Variants in TLE1 observed in about 807,000 individuals in gnomAD.
TLE1 encodes the protein transducin-like enhancer protein 1.
In TLE1, 21 loss-of-function variants were observed where a neutral mutation model predicts 89.8. The observed-to-expected ratio is 0.23, with a 90% CI of 0.17 to 0.34. The LOEUF is 0.34. TLE1 is among the 10% of genes least tolerant of loss of function. The pLI is 1.00. For missense variants in TLE1, 795 were observed against 1,031.2 expected, an observed-to-expected ratio of 0.77 and a Z score of 3.14; for synonymous variants, 447 against 407.6, an observed-to-expected ratio of 1.10 and a Z score of -1.16.
intron 11 of TLE1, among the ~76,000 whole-genome samples, chr9:81,615,573 C>T (rs1478953405): frequency 6.8e-6 from 1 of 148,040 alleles, no homozygotes; most frequent in African/African-American, 2.5e-5. Context: ...ATTAGCTGGG[C>T]ATGGTCGCGC....
chr9:81,584,591 G>C (rs1828068745), intron 18 of TLE1, 67 bp from the exon 19 acceptor site: 1 of 1,456,688 alleles, frequency 6.9e-7, no homozygotes, highest in African/African-American at 1.4e-5. Context: ...TTAGCAACTT[G>C]GACTTAATCA....
chr9:81,630,679 A>G (rs951918486), intron 8 of TLE1, among the ~76,000 whole-genome samples: 1 of 152,228 alleles, frequency 6.6e-6, no homozygotes, highest in Admixed American at 6.5e-5. Flanking sequence ...CTGGATTAAA[A>G]AACAGCAGCA....
chr9:81,588,228 C>T (rs1430174167), intron 16 of TLE1, among the ~76,000 whole-genome samples: 1 of 152,162 alleles, frequency 6.6e-6, no homozygotes, highest in East Asian at 1.9e-4. Context: ...AGATAAAGGT[C>T]TGTTCTTTAA....
intron 8 of TLE1, among the ~76,000 whole-genome samples, chr9:81,633,026 A>G (rs769643581): frequency 6.6e-6 from 1 of 152,182 alleles, no homozygotes; most frequent in Non-Finnish European, 1.5e-5. Context: ...AACCATTAAC[A>G]CTTTTAAAGT....
intron 14 of TLE1, among the ~76,000 whole-genome samples, chr9:81,608,367 G>C (rs146070461): frequency 5.5e-4 from 84 of 152,090 alleles, no homozygotes; most frequent in Non-Finnish European, 8.8e-4. Flanking sequence ...TTTAAAAATT[G>C]GCCAGGTATG....
At chr9:81,628,788 GCCT>G (rs113692869) in intron 8 of TLE1, among the ~76,000 whole-genome samples, 2 of 152,258 alleles carry the variant, frequency 1.3e-5, no homozygotes, top group African/African-American at 4.8e-5. Flanking sequence ...GATGCACCCA[GCCT>G]CCTTGATAAA....
At chr9:81,687,925 A>T (rs1411713169) in intron 1 of TLE1, among the ~76,000 whole-genome samples, 1 of 151,942 alleles carries the variant, frequency 6.6e-6, no homozygotes, top group Admixed American at 6.5e-5. Flanking sequence ...CCCTGCCCCC[A>T]CTCGGGGAAG....
In TLE1 at chr9:81,681,346, T is replaced by C. The variant is rs558196229; in HGVS notation, c.234+4330A>G. On this transcript the variant is annotated intron_variant, in intron 4 of 19. Coordinates refer to ENST00000376499, the MANE Select transcript of TLE1 (RefSeq NM_005077.5). ...GGGGGGAATCACTTGAGGTCAGGAG[T>C]TCGAGACCAGCCTAGCCAATATAGT... is the stretch of plus-strand genomic sequence containing the variant. 1.9e-4 allele frequency among the ~76,000 whole-genome samples: 29 copies of C among 151,902 alleles called. No homozygotes were observed. The East Asian group carries it at 5.6e-3, about 29-fold the overall frequency.
At chr9:81,637,806 T>TAG (rs1481849072) in intron 6 of TLE1, among the ~76,000 whole-genome samples, 1 of 152,102 alleles carries the variant, frequency 6.6e-6, no homozygotes, top group Non-Finnish European at 1.5e-5. Flanking sequence ...TCCTAGATAA[T>TAG]ATCTAAGTGT....
chr9:81,685,964 T>C, intron 2 of TLE1, 68 bp from the exon 3 acceptor site: 1 of 1,557,332 alleles, frequency 6.4e-7, no homozygotes, highest in Non-Finnish European at 8.8e-7. Flanking sequence ...GCCTCACATA[T>C]TTGCACTTCA....
rs756549334 is a variant in TLE1, at chr9:81,688,219, G to A, written c.22C>T (p.Pro8Ser). 6.3e-7 allele frequency: 1 copy of A among 1,597,476 alleles called. No individual in the cohort carries two copies. Among genetic ancestry groups the A allele is most frequent in the Non-Finnish European group, 8.5e-7 (1 of 1,172,090 alleles). ...ACCACCACCCAGCCGCGCCTCACCG[G>A]GTGCCGGCTCTGCGGGAACATCGCT... MFPQSRHPTPHQAAGQPF... is the reference protein window; with the variant it reads MFPQSRHSTPHQAAGQPF... The change falls in exon 1 of 20, where the codon CCG becomes TCG. Residue 8 changes from proline to serine, a missense_variant and splice_region_variant. Pro to Ser is a moderately conservative substitution (Grantham distance 74). Transcript: ENST00000376499.
intron 4 of TLE1, among the ~76,000 whole-genome samples, chr9:81,661,919 G>A (rs1300085770): frequency 1.3e-5 from 2 of 152,286 alleles, no homozygotes; most frequent in Admixed American, 6.5e-5. Flanking sequence ...ACAATCATAC[G>A]TTACTGATGA....
intron 6 of TLE1, among the ~76,000 whole-genome samples, chr9:81,647,921 T>G (rs141490340): frequency 6.6e-6 from 1 of 152,198 alleles, no homozygotes; most frequent in African/African-American, 2.4e-5. Context: ...TGTTTACTAT[T>G]AATATTTTTA....
chr9:81,681,100 AAACTGTAAAAGCAGTTT>A (rs1405660539), intron 4 of TLE1, among the ~76,000 whole-genome samples: 1 of 152,180 alleles, frequency 6.6e-6, no homozygotes, highest in Non-Finnish European at 1.5e-5. Context: ...GCACACATCA[AAACTGTAAAAGCAGTTT>A]CACTCCAAAA....
chr9:81,643,900 C>T (rs1337062395), intron 6 of TLE1, among the ~76,000 whole-genome samples: 2 of 152,132 alleles, frequency 1.3e-5, no homozygotes, highest in Non-Finnish European at 2.9e-5. Flanking sequence ...TGACCACTGC[C>T]TTGCTCATCC....
intron 7 of TLE1, 54 bp from the exon 8 acceptor site, chr9:81,633,418 C>A: frequency 1.2e-6 from 2 of 1,612,214 alleles, no homozygotes; most frequent in Admixed American, 3.3e-5. Context: ...GACACAGAGG[C>A]AAGAACAGAA....
chr9:81,626,408 C>T lies in TLE1; in HGVS notation c.595-5851G>A, dbSNP rs374938679. Reference sequence around the variant, plus strand: ...TGGTGTCAATCAAGCCATCACCCTGCGCTGCACTTTTTGCTACGGTCCAAC... The same window carrying T: ...TGGTGTCAATCAAGCCATCACCCTGTGCTGCACTTTTTGCTACGGTCCAAC... On this transcript the variant is annotated intron_variant, in intron 8 of 19. Coordinates refer to ENST00000376499, the MANE Select transcript of TLE1 (RefSeq NM_005077.5). Among the ~76,000 whole-genome samples, 7 of 152,290 alleles carry T rather than the reference C, an allele frequency of 4.6e-5. No individual in the cohort carries two copies. In the East Asian group the frequency reaches 1.4e-3, roughly 29 times the overall value.
In TLE1 at chr9:81,616,140, C is replaced by G; in HGVS notation, c.766-6G>C. The G allele has an allele frequency of 6.3e-7, 1 of 1,593,072 alleles. No individual in the cohort carries two copies. The highest frequency in any genetic ancestry group is 8.5e-7 in the Non-Finnish European group (1 of 1,173,730). On this transcript the variant is annotated splice_polypyrimidine_tract_variant and splice_region_variant and intron_variant, in intron 10 of 19. Transcript: ENST00000376499. ...GCTCGCGGAGAAGAAGGGTCCTCAA[C>G]AAGCATAATCAAAAGTTTTCGTGAT...
At chr9:81,593,965 A>C (rs1050322461) in intron 14 of TLE1, among the ~76,000 whole-genome samples, 1 of 152,200 alleles carries the variant, frequency 6.6e-6, no homozygotes, top group African/African-American at 2.4e-5. Flanking sequence ...CCTTTAGCCC[A>C]GCCTGCCTAT....
Sources: gnomAD v4.1 joint callset for allele counts (sites outside exome capture counted in the v4.1 genomes callset) on GRCh38, gnomAD v4.1.1 for gene constraint, MANE v1.5 for transcripts, NCBI Gene and HGNC (gene_info 2026-07-23, HGNC 2026-07-21) for gene names.